POU2F2: variants seen among roughly 807,000 people sequenced by gnomAD.
POU2F2 encodes the protein POU class 2 homeobox 2.
In POU2F2, 14 loss-of-function variants were observed where a neutral mutation model predicts 63.5. The ratio of observed to expected loss-of-function variants is 0.22; its 90% CI spans 0.15 to 0.34. The LOEUF (loss-of-function observed/expected upper bound fraction) is 0.34, where lower values mean the gene tolerates loss of function less well. POU2F2 is among the 10% of genes least tolerant of loss of function. The probability of loss-of-function intolerance (pLI) is 1.00; values close to 1 mark genes in which losing one functional copy is unlikely to be tolerated. For synonymous variants in POU2F2, 306 were observed against 348.6 expected, an observed-to-expected ratio of 0.88 and a Z score of 1.36; for missense variants, 607 against 815.2, an observed-to-expected ratio of 0.74 and a Z score of 3.11.
chr19:42,183,794 T>C (rs1008210213), intron 1 of POU2F2, among the ~76,000 whole-genome samples: 1 of 152,024 alleles, frequency 6.6e-6, no homozygotes, highest in Non-Finnish European at 1.5e-5. Context: ...AAGAAGAGCT[T>C]TCACATGGAA....
chr19:42,177,438 G>GA (rs1491170962), upstream of POU2F2: 7 of 152,724 alleles, frequency 4.6e-5, no homozygotes, highest in Admixed American at 3.9e-4. Context: ...AGCGAGGGGG[G>GA]AGAGAGGGAG....
intron 1 of POU2F2, among the ~76,000 whole-genome samples, chr19:42,181,989 C>T (rs2034966206): frequency 6.6e-6 from 1 of 151,998 alleles, no homozygotes; most frequent in South Asian, 2.1e-4. Flanking sequence ...GTCTTGGTTA[C>T]AAGTCTTGGG....
At position 42,095,220 on chromosome 19, in the gene POU2F2, G is replaced by A. The variant is rs570600963; in HGVS notation, c.1197+66C>T. 10 of 1,522,246 alleles carry A rather than the reference G, an allele frequency of 6.6e-6. No homozygotes were observed. The South Asian group carries it at 1.1e-4, about 17-fold the overall frequency. The allele number at this position is 1,522,246 out of a possible 1,614,324, so 94.3% of individuals were successfully genotyped here. On this transcript the variant is annotated intron_variant, in intron 11 of 14. Coordinates refer to ENST00000692977, the MANE Select transcript of POU2F2 (RefSeq NM_001394376.1). This position sits in a 1 kb window ranked among gnomAD's most constrained non-coding sequence, Gnocchi z 7.1. ...TAGGCTCTGTGGACAACCAGGTAGG[G>A]TGGGCTTCACACAGGTGCCTGCGGA...
chr19:42,127,047 G>T (rs2033264502), intron 1 of POU2F2, among the ~76,000 whole-genome samples: 1 of 151,984 alleles, frequency 6.6e-6, no homozygotes, highest in Admixed American at 6.6e-5. Context: ...CTCCTGAGTA[G>T]CTGGGACTAC....
chr19:42,194,871 GGAAA>G (rs2035115017), intron 1 of POU2F2, among the ~76,000 whole-genome samples: 1 of 120,346 alleles, frequency 8.3e-6, no homozygotes, highest in Non-Finnish European at 1.7e-5. Context: ...GTGGAAAGAA[GGAAA>G]AAAGGAAGGA....
chr19:42,121,698 C>T (rs909116956), intron 4 of POU2F2, among the ~76,000 whole-genome samples: 14 of 152,216 alleles, frequency 9.2e-5, no homozygotes, highest in Admixed American at 9.2e-4. Context: ...GGAATTTGCA[C>T]TGCCTGGCTG....
chr19:42,121,939 G>C (rs1293128057), intron 4 of POU2F2, among the ~76,000 whole-genome samples, 187 bp downstream of exon 4: 1 of 152,034 alleles, frequency 6.6e-6, no homozygotes, highest in Non-Finnish European at 1.5e-5. Flanking sequence ...ACCCCCTAGG[G>C]AAGGGGAAGG....
At position 42,092,357 on chromosome 19, in the gene POU2F2, C is replaced by T. The variant is rs938471261; in HGVS notation, c.1265-87G>A. On this transcript the variant is annotated intron_variant, in intron 12 of 14. Transcript: ENST00000692977. This position sits in a 1 kb window ranked among gnomAD's most constrained non-coding sequence, Gnocchi z 5.0. ...TGGGGTCAGCTCCTACTTGTCCTCC[C>T]GCCCAGCTCACGCAGCATCTCCTCA... 2.9e-6 allele frequency: 3 copies of T among 1,026,040 alleles called. No homozygotes were observed. The highest frequency in any genetic ancestry group is 2.0e-5 in the Admixed American group (1 of 50,058). 63.6% of individuals were successfully genotyped at this position (1,026,040 alleles called of 1,614,324 possible).
In POU2F2 at chr19:42,096,712, G is replaced by A. The variant is rs544183280; in HGVS notation, c.568-469C>T. 5.3e-5 allele frequency among the ~76,000 whole-genome samples: 8 copies of A among 152,304 alleles called. No homozygotes were observed. The highest frequency in any genetic ancestry group is 1.9e-4 in the African/African-American group (8 of 41,566). On this transcript the variant is annotated intron_variant, in intron 7 of 14. Transcript: ENST00000692977. The surrounding 1 kb of genome is among the most constrained non-coding windows in gnomAD (Gnocchi z 4.1). ...ACCCAGTGGGGCTGTTGAGAGAATC[G>A]GGTTAAAAATGAGTAGGTCGTGCAG... is the stretch of plus-strand genomic sequence containing the variant.
intron 1 of POU2F2, among the ~76,000 whole-genome samples, chr19:42,182,767 G>GA (rs2034976478): frequency 6.6e-6 from 1 of 152,186 alleles, no homozygotes; most frequent in Non-Finnish European, 1.5e-5. Context: ...GCTGGACTGA[G>GA]ATGTGGAGTC....
intron 12 of POU2F2, 39 bp downstream of exon 12, chr19:42,093,790 C>T: frequency 6.3e-7 from 1 of 1,576,096 alleles, no homozygotes; most frequent in South Asian, 1.1e-5. Context: ...TGTGCCACAT[C>T]CTCCCAGTCC....
chr19:42,120,245 C>CTT (rs1225138911), intron 4 of POU2F2, among the ~76,000 whole-genome samples: 10 of 145,338 alleles, frequency 6.9e-5, no homozygotes, highest in Admixed American at 6.3e-4. Context: ...GAGCTGGAGT[C>CTT]TTTCTCTGTT....
intron 2 of POU2F2, among the ~76,000 whole-genome samples, chr19:42,151,675 C>T (rs1447372145): frequency 2.6e-5 from 4 of 152,310 alleles, no homozygotes; most frequent in African/African-American, 4.8e-5. Flanking sequence ...GGGTTCTCAG[C>T]GCTGTCCCAG....
intron 2 of POU2F2, among the ~76,000 whole-genome samples, chr19:42,146,202 A>G (rs1318791387): frequency 6.6e-6 from 1 of 152,254 alleles, no homozygotes; most frequent in Non-Finnish European, 1.5e-5. Context: ...ACTGATGCCC[A>G]GCAAAGTTAA....
chr19:42,124,280 G>A (rs2032971291), intron 1 of POU2F2, among the ~76,000 whole-genome samples: 1 of 149,176 alleles, frequency 6.7e-6, no homozygotes. Flanking sequence ...CTCCAGCCTG[G>A]GTGACAGAGT....
At chr19:42,185,447 C>T (rs574854831) in intron 1 of POU2F2, among the ~76,000 whole-genome samples, 2 of 152,288 alleles carry the variant, frequency 1.3e-5, no homozygotes, top group South Asian at 4.1e-4. Context: ...AGCCAAACTC[C>T]TTAGTCAGCT....
intron 1 of POU2F2, among the ~76,000 whole-genome samples, chr19:42,173,245 T>A (rs534306043): frequency 6.6e-6 from 1 of 152,166 alleles, no homozygotes; most frequent in South Asian, 2.1e-4. Flanking sequence ...ACCATCTCCA[T>A]CCTGAAATAT....
intron 5 of POU2F2, among the ~76,000 whole-genome samples, chr19:42,114,474 G>T (rs2031585670): frequency 6.6e-6 from 1 of 152,144 alleles, no homozygotes; most frequent in South Asian, 2.1e-4. Flanking sequence ...CCACTGAGAT[G>T]CAAAAGAGCT....
upstream of POU2F2, among the ~76,000 whole-genome samples, chr19:42,197,118 G>C (rs1332472851): frequency 2.0e-5 from 3 of 152,194 alleles, no homozygotes; most frequent in East Asian, 1.9e-4. Flanking sequence ...ACCTAGAGGA[G>C]AGCCTCAGCC....
Sources: allele counts gnomAD v4.1 joint callset (sites outside exome capture counted in the v4.1 genomes callset), GRCh38; gene constraint gnomAD v4.1.1; non-coding constraint Gnocchi (gnomAD v3.1); transcripts MANE v1.5; gene names NCBI Gene and HGNC (gene_info 2026-07-23, HGNC 2026-07-21).